JAKMIP1: variants seen among roughly 807,000 people sequenced by gnomAD.
JAKMIP1 encodes janus kinase and microtubule interacting protein 1.
A neutral mutation model predicts 113.0 loss-of-function variants in JAKMIP1; 33 were observed. The ratio of observed to expected loss-of-function variants is 0.29; its 90% CI spans 0.22 to 0.39. The LOEUF is 0.39. Among genes scored for constraint, JAKMIP1 ranks in the 10% least tolerant of loss-of-function variants. JAKMIP1 has a pLI of 1.00. For synonymous variants in JAKMIP1, 480 were observed against 459.9 expected (o/e 1.04, Z -0.56); for missense variants, 813 against 1,080.5 (o/e 0.75, Z 3.47).
intron 1 of JAKMIP1, among the ~76,000 whole-genome samples, chr4:6,196,367 C>A (rs1379737965): frequency 6.6e-6 from 1 of 152,198 alleles, no homozygotes; most frequent in African/African-American, 2.4e-5. Context: ...CCCTGCTGAT[C>A]CACAGCCCCC....
In JAKMIP1 at chr4:6,041,060, C is replaced by T. The variant is rs181591244; in HGVS notation, c.2098-344G>A. Among the ~76,000 whole-genome samples, 4 of 152,182 alleles carry T rather than the reference C, an allele frequency of 2.6e-5. No homozygotes were observed. The East Asian group carries it at 7.7e-4, about 29-fold the overall frequency. ...TCCTCCTGCTACATCCTAGTGGCCC[C>T]TGAAGACTGTCTTCATGGTTCCCAG... On this transcript the variant is annotated intron_variant, in intron 17 of 20. Transcript: ENST00000409021.
chr4:6,182,423 A>AAAAAAAAAAAAG (rs1553864360), intron 1 of JAKMIP1, among the ~76,000 whole-genome samples: 3 of 140,166 alleles, frequency 2.1e-5, no homozygotes, highest in Admixed American at 7.4e-5. Flanking sequence ...AAAAAAAAAA[A>AAAAAAAAAAAAG]AAAGAAAGAA....
rs991732716 is a variant in JAKMIP1 at position 6,143,510 on chromosome 4, C to T, written c.-147-30513G>A. Among the ~76,000 whole-genome samples the T allele has an allele frequency of 1.3e-5, 2 of 152,330 alleles. No individual in the cohort carries two copies. The highest frequency in any genetic ancestry group is 2.9e-5 in the Non-Finnish European group (2 of 68,028). ...GGGACAAGAGGCAGGCCTGCTGGAT[C>T]CGGCCTGGGTCCCACCTGGCCTCTT... is the stretch of plus-strand genomic sequence containing the variant. On this transcript the variant is annotated intron_variant, in intron 1 of 20. Transcript: ENST00000409021. The surrounding 1 kb of genome is among the most constrained non-coding windows in gnomAD (Gnocchi z 4.9).
chr4:6,035,870 G>A (rs1272571125), intron 19 of JAKMIP1, 34 bp downstream of exon 19: 1 of 1,520,038 alleles, frequency 6.6e-7, no homozygotes, highest in East Asian at 2.5e-5. Context: ...AAGGGTGCCG[G>A]GGTGCTGTGG....
intron 8 of JAKMIP1, among the ~76,000 whole-genome samples, chr4:6,078,394 A>T (rs1719993765): frequency 6.9e-6 from 1 of 145,816 alleles, no homozygotes; most frequent in African/African-American, 2.5e-5. Flanking sequence ...GTTTAAAGGC[A>T]AACTATGCTT....
chr4:6,054,106 T>G lies in JAKMIP1; in HGVS notation c.1750A>C (p.Met584Leu). Residue 584 changes from methionine to leucine, a missense_variant, in exon 13 of 21, where the codon ATG (methionine) becomes CTG (leucine). Physicochemically the swap from Met to Leu is conservative, Grantham distance 15 (BLOSUM62 2). Around this residue, in one of 2 missense-constraint regions of JAKMIP1, gnomAD observed 273 missense variants for 426.6 expected, o/e 0.64. Transcript: ENST00000409021. The part of the protein sequence containing the change: ...EMEENQLKNE[M>L]QDAKDQNELL... ...TCGTTCTGATCCTTGGCGTCTTGCA[T>G]TTCATTCTTCAGCTGGTTCTCTTCC... The G allele has an allele frequency of 6.2e-7, 1 of 1,614,178 alleles. No homozygotes were observed. The highest frequency in any genetic ancestry group is 8.5e-7 in the Non-Finnish European group (1 of 1,179,996).
At chr4:6,056,810 C>A in intron 11 of JAKMIP1, 51 bp from the exon 12 acceptor site, 2 of 1,268,822 alleles carry the variant, frequency 1.6e-6, no homozygotes, top group South Asian at 2.4e-5. Flanking sequence ...AACAGATGGT[C>A]AAGTAACAAA....
intron 19 of JAKMIP1, among the ~76,000 whole-genome samples, 187 bp downstream of exon 19, chr4:6,035,717 C>G (rs1306516575): frequency 6.6e-6 from 1 of 152,242 alleles, no homozygotes; most frequent in South Asian, 2.1e-4. Flanking sequence ...CCAAGTGCCC[C>G]ACGTCTTGCC....
At chr4:6,102,137 G>A (rs1268282590) in intron 3 of JAKMIP1, among the ~76,000 whole-genome samples, 1 of 152,048 alleles carries the variant, frequency 6.6e-6, no homozygotes, top group African/African-American at 2.4e-5. Context: ...GAATTTTGTG[G>A]TGCTCTACTG....
intron 8 of JAKMIP1, among the ~76,000 whole-genome samples, chr4:6,066,960 A>G (rs1475018236): frequency 6.6e-6 from 1 of 152,078 alleles, no homozygotes; most frequent in Non-Finnish European, 1.5e-5. Flanking sequence ...TCTTCCCCAG[A>G]ATCCACATGT....
rs144300843 is a variant in JAKMIP1 at position 6,088,636 on chromosome 4, G to A, written c.625-3007C>T. Among the ~76,000 whole-genome samples, 403 of 152,258 alleles carry A rather than the reference G, an allele frequency of 2.6e-3. 2 individuals carry two copies. Among genetic ancestry groups the A allele is most frequent in the African/African-American group, 9.2e-3 (382 of 41,540 alleles). On this transcript the variant is annotated intron_variant, in intron 3 of 20. Transcript: ENST00000409021. This position sits in a 1 kb window ranked among gnomAD's most constrained non-coding sequence, Gnocchi z 5.5. ...GGAGGGCCAATGCAGAACACATTCCGGAGCCAGCATGAGAGTCCTGAGGCC... is the reference window on the plus strand; with the variant it reads ...GGAGGGCCAATGCAGAACACATTCCAGAGCCAGCATGAGAGTCCTGAGGCC...
rs1191185178 is a variant in JAKMIP1, at chr4:6,141,462, AAAACAAAC to A, written c.-147-28473_-147-28466del. Among the ~76,000 whole-genome samples the A allele has an allele frequency of 6.6e-6, 1 of 152,110 alleles. No homozygotes were observed. The highest frequency in any genetic ancestry group is 2.1e-4 in the South Asian group (1 of 4,826). On this transcript the variant is annotated intron_variant, in intron 1 of 20. Coordinates refer to ENST00000409021, the MANE Select transcript of JAKMIP1 (RefSeq NM_001099433.2). This position sits in a 1 kb window ranked among gnomAD's most constrained non-coding sequence, Gnocchi z 9.4. Reference sequence around the variant, plus strand: ...AAATAAATAAATAAATAAATACCAAAAAACAAACAAACAAACACAAAAAACAAAGTGGT... The same window carrying A: ...AAATAAATAAATAAATAAATACCAAAAAACAAACACAAAAAACAAAGTGGT...
chr4:6,035,210 C>T (rs1713252682), intron 19 of JAKMIP1, among the ~76,000 whole-genome samples: 1 of 151,944 alleles, frequency 6.6e-6, no homozygotes, highest in Non-Finnish European at 1.5e-5. Flanking sequence ...AATCTAGATC[C>T]TTACTATCTG....
chr4:6,038,780 T>A (rs979837828), intron 18 of JAKMIP1, among the ~76,000 whole-genome samples: 1 of 152,214 alleles, frequency 6.6e-6, no homozygotes, highest in Admixed American at 6.5e-5. Context: ...CAGAGCTTGC[T>A]GGTGCCTGCA....
chr4:6,168,358 A>G lies in JAKMIP1; in HGVS notation c.-148+31895T>C, dbSNP rs1723919693. Among the ~76,000 whole-genome samples the G allele has an allele frequency of 6.6e-6, 1 of 152,232 alleles. No homozygotes were observed. The highest frequency in any genetic ancestry group is 1.5e-5 in the Non-Finnish European group (1 of 68,044). ...GTACACAAACATTCATGGCAGCACG[A>G]TTCCTAACACCCAACATGTGAACAC... is the stretch of plus-strand genomic sequence containing the variant. On this transcript the variant is annotated intron_variant, in intron 1 of 20. Coordinates refer to ENST00000409021, the MANE Select transcript of JAKMIP1 (RefSeq NM_001099433.2). This position sits in a 1 kb window ranked among gnomAD's most constrained non-coding sequence, Gnocchi z 4.6.
Position 6,139,876 on chromosome 4 carries a change from A to G in JAKMIP1, c.-147-26879T>C, listed in dbSNP as rs996202966. On this transcript the variant is annotated intron_variant, in intron 1 of 20. Transcript: ENST00000409021. This position sits in a 1 kb window ranked among gnomAD's most constrained non-coding sequence, Gnocchi z 5.2. Reference sequence around the variant, plus strand: ...ACGACGAAGGAGGAGGTCACGGGGCAGATTCCACGAGCCAAGGAATACCAA... The same window carrying G: ...ACGACGAAGGAGGAGGTCACGGGGCGGATTCCACGAGCCAAGGAATACCAA... 6.6e-6 allele frequency among the ~76,000 whole-genome samples: 1 copy of G among 152,136 alleles called. No homozygotes were observed.
At position 6,176,745 on chromosome 4, in the gene JAKMIP1, G is replaced by T. The variant is rs1176935126; in HGVS notation, c.-148+23508C>A. Among the ~76,000 whole-genome samples, 1 of 152,186 alleles carries T rather than the reference G, an allele frequency of 6.6e-6. No homozygotes were observed. The highest frequency in any genetic ancestry group is 2.4e-5 in the African/African-American group (1 of 41,448). On this transcript the variant is annotated intron_variant, in intron 1 of 20. Transcript: ENST00000409021. The surrounding 1 kb of genome is among the most constrained non-coding windows in gnomAD (Gnocchi z 5.5). ...AATTGGAGCCTATATCAAAGTGGTG[G>T]GAAAAGCTGGGCGCCATGGCTCACA...
Position 6,040,628 on chromosome 4 carries a change from T to A in JAKMIP1, c.2175+11A>T, listed in dbSNP as rs374505024. 8.2e-5 allele frequency: 132 copies of A among 1,607,694 alleles called. No homozygotes were observed. The African/African-American group carries it at 1.4e-3, about 17-fold the overall frequency. ...AAGAAGCCAAAGTGTCAAACCCACTTCTGGTCCTACCAGGTAAGCCTGGTC... is the reference window on the plus strand; with the variant it reads ...AAGAAGCCAAAGTGTCAAACCCACTACTGGTCCTACCAGGTAAGCCTGGTC... On this transcript the variant is annotated intron_variant, in intron 18 of 20. Coordinates refer to ENST00000409021, the MANE Select transcript of JAKMIP1 (RefSeq NM_001099433.2). The surrounding 1 kb of genome is among the most constrained non-coding windows in gnomAD (Gnocchi z 5.8).
rs753416333 is a variant in JAKMIP1, at chr4:6,056,752, T to C, written c.1652A>G (p.Lys551Arg). 1 of 1,612,092 alleles carries C rather than the reference T, an allele frequency of 6.2e-7. No homozygotes were observed. Among genetic ancestry groups the C allele is most frequent in the East Asian group, 2.2e-5 (1 of 44,874 alleles). ...GAGCAGCTGCTTCTCTTCAACCCACTTGGAATCCTAAGGAAAAGTACTAAA... is the reference window on the plus strand; with the variant it reads ...GAGCAGCTGCTTCTCTTCAACCCACCTGGAATCCTAAGGAAAAGTACTAAA... ...KLLVEKGQDS[K>R]WVEEKQLLIR... Residue 551 changes from lysine to arginine, a missense_variant, in exon 12 of 21, where the codon AAG (lysine) becomes AGG (arginine). By Grantham distance (26) the Lys-to-Arg change is conservative. Transcript: ENST00000409021.
Sources: gnomAD v4.1 joint callset for allele counts (sites outside exome capture counted in the v4.1 genomes callset) on GRCh38, gnomAD v4.1.1 for gene constraint, gnomAD v4.1.1 regional missense constraint, Gnocchi (gnomAD v3.1) non-coding constraint, MANE v1.5 for transcripts, NCBI Gene and HGNC (gene_info 2026-07-23, HGNC 2026-07-21) for gene names.